Variants in PDXDC1 observed in about 807,000 individuals in gnomAD.
PDXDC1 encodes pyridoxal-dependent decarboxylase domain-containing protein 1.
A neutral mutation model predicts 100.1 loss-of-function variants in PDXDC1; 42 were observed. The ratio of observed to expected loss-of-function variants is 0.42; its 90% CI spans 0.33 to 0.54. The LOEUF is 0.54. Ranked by LOEUF, PDXDC1 falls within the 20% of genes least tolerant of loss-of-function variation. The pLI is 0.10. For missense variants in PDXDC1, 636 were observed against 979.2 expected (o/e 0.65, Z 4.68); for synonymous variants, 260 against 371.7 (o/e 0.70, Z 3.46).
intron 2 of PDXDC1, among the ~76,000 whole-genome samples, 183 bp downstream of exon 2, chr16:14,998,009 G>T (rs1462338329): frequency 6.6e-6 from 1 of 152,280 alleles, no homozygotes; most frequent in Non-Finnish European, 1.5e-5. Context: ...TTGAAATTGA[G>T]AGGAAAGACT....
intron 16 of PDXDC1, among the ~76,000 whole-genome samples, chr16:15,090,455 C>T (rs753599210): frequency 5.3e-5 from 8 of 152,204 alleles, no homozygotes; most frequent in Non-Finnish European, 8.8e-5. Context: ...AAGCCAGGCA[C>T]TTTAAACATG....
downstream of PDXDC1, chr16:15,039,953 A>G (rs199518682): frequency 2.7e-6 from 4 of 1,459,004 alleles, no homozygotes; most frequent in Admixed American, 3.7e-5. Flanking sequence ...CTTAACAAAG[A>G]TGATTTGAAA....
Position 15,036,374 on chromosome 16 carries a change from G to A in PDXDC1, c.*99G>A. 9 of 1,200,050 alleles carry A rather than the reference G, an allele frequency of 7.5e-6. No individual in the cohort carries two copies. The highest frequency in any genetic ancestry group is 1.2e-6 in the Non-Finnish European group (1 of 847,446). The allele number at this position is 1,200,050 out of a possible 1,614,324, so 74.3% of individuals were successfully genotyped here. A position where few individuals can be genotyped will look rare whatever the true frequency, so the allele number is the denominator to read the frequency against. Reference sequence around the variant, plus strand: ...GTGCCACATACTAATATAAATTACTGTTGTTTGTGCTTCACTGGGATTTTG... The same window carrying A: ...GTGCCACATACTAATATAAATTACTATTGTTTGTGCTTCACTGGGATTTTG... On this transcript the variant is annotated 3_prime_UTR_variant, in exon 23 of 23. Coordinates refer to ENST00000396410, the MANE Select transcript of PDXDC1 (RefSeq NM_015027.4).
intron 16 of PDXDC1, among the ~76,000 whole-genome samples, chr16:15,097,271 TA>T (rs900067053): frequency 1.1e-3 from 157 of 138,680 alleles, no homozygotes; most frequent in African/African-American, 1.5e-3. Context: ...TCTCATCTCT[TA>T]AAAAAAAAAA....
chr16:15,142,744 C>A (rs1295040386), downstream of PDXDC1, among the ~76,000 whole-genome samples: 4 of 152,078 alleles, frequency 2.6e-5, no homozygotes, highest in Admixed American at 1.3e-4. Flanking sequence ...CCAGCCCCCC[C>A]ACCCCGCCCC....
intron 16 of PDXDC1, among the ~76,000 whole-genome samples, chr16:15,119,369 C>T (rs2047354219): frequency 7.1e-6 from 1 of 141,330 alleles, no homozygotes; most frequent in Non-Finnish European, 1.5e-5. Context: ...ACATAACATA[C>T]ACTAACACTA....
chr16:15,137,412 C>T, intron 16 of PDXDC1: 3 of 1,483,244 alleles, frequency 2.0e-6, no homozygotes, highest in Non-Finnish European at 2.7e-6. Context: ...GCTGCGAGGC[C>T]CTGGCCGGTG....
chr16:15,117,704 AG>A (rs1444493748), intron 16 of PDXDC1, among the ~76,000 whole-genome samples: 6 of 118,030 alleles, frequency 5.1e-5, no homozygotes, highest in African/African-American at 2.0e-4. Context: ...GGGTGAGAAA[AG>A]AAAAAAAAAA....
intron 19 of PDXDC1, 45 bp from the exon 20 acceptor site, chr16:15,034,241 G>A (rs1161281900): frequency 3.2e-6 from 5 of 1,565,926 alleles, no homozygotes; most frequent in Non-Finnish European, 3.5e-6. Context: ...CTGGGCCCCA[G>A]GTGAGAACCT....
chr16:15,130,936 G>C, intron 16 of PDXDC1: 1 of 706,700 alleles, frequency 1.4e-6, no homozygotes. Flanking sequence ...CTGCTTCTCC[G>C]TGGCCCCCAG....
chr16:15,084,447 G>T (rs2045834136), intron 16 of PDXDC1, among the ~76,000 whole-genome samples: 1 of 150,128 alleles, frequency 6.7e-6, no homozygotes, highest in Non-Finnish European at 1.5e-5. Context: ...TACAAACTTT[G>T]AAAAACAATT....
At chr16:15,017,792 CTTT>C (rs1245561796) in intron 11 of PDXDC1, among the ~76,000 whole-genome samples, 1 of 146,290 alleles carries the variant, frequency 6.8e-6, no homozygotes, top group Non-Finnish European at 1.5e-5. Context: ...TAGGTTTTAA[CTTT>C]TTTTTTTTTT....
downstream of PDXDC1, among the ~76,000 whole-genome samples, chr16:15,141,675 A>T (rs867606876): frequency 6.6e-6 from 1 of 152,190 alleles, no homozygotes. Flanking sequence ...GTAGGGACAC[A>T]GGCTGAGGTG....
At chr16:14,990,666 TTAAC>T (rs1405682762) in intron 1 of PDXDC1, among the ~76,000 whole-genome samples, 1 of 152,282 alleles carries the variant, frequency 6.6e-6, no homozygotes, top group African/African-American at 2.4e-5. Flanking sequence ...TCACCCAAAC[TTAAC>T]TATCAGTGCT....
intron 16 of PDXDC1, among the ~76,000 whole-genome samples, chr16:15,087,565 C>A (rs560932753): frequency 6.6e-6 from 1 of 152,174 alleles, no homozygotes; most frequent in Non-Finnish European, 1.5e-5. Flanking sequence ...TGTCAAACTC[C>A]CACAGATCAA....
chr16:14,977,697 T>C (rs1298951708), intron 1 of PDXDC1, among the ~76,000 whole-genome samples: 17 of 152,394 alleles, frequency 1.1e-4, no homozygotes, highest in Admixed American at 8.5e-4. Flanking sequence ...TTGATGACTT[T>C]ATGTTCTGAA....
chr16:15,093,328 G>A (rs1214717518), intron 16 of PDXDC1, among the ~76,000 whole-genome samples: 1 of 152,146 alleles, frequency 6.6e-6, no homozygotes, highest in East Asian at 1.9e-4. Flanking sequence ...CATTCAAGTG[G>A]AAGCTCAAAT....
At chr16:15,132,421 A>AGGGGAGGGAAG (rs1272760007) in intron 16 of PDXDC1, among the ~76,000 whole-genome samples, 1 of 29,100 alleles carries the variant, frequency 3.4e-5, no homozygotes, top group South Asian at 1.4e-3. Flanking sequence ...GGGAGGGGCT[A>AGGGGAGGGAAG]GGGGAGGGAA....
intron 16 of PDXDC1, among the ~76,000 whole-genome samples, chr16:15,056,630 C>G (rs1161593364): frequency 6.6e-6 from 1 of 151,706 alleles, no homozygotes; most frequent in Non-Finnish European, 1.5e-5. Flanking sequence ...TCGTCTCTGC[C>G]AAAAATTTAA....
Sources: gnomAD v4.1 joint callset for allele counts (sites outside exome capture counted in the v4.1 genomes callset) on GRCh38, gnomAD v4.1.1 for gene constraint, MANE v1.5 for transcripts, NCBI Gene and HGNC (gene_info 2026-07-23, HGNC 2026-07-21) for gene names.